Variants in NCOR1 observed in about 807,000 individuals in gnomAD.
The protein encoded by NCOR1 is protein phosphatase 1, regulatory subunit 109.
NCOR1 carries 63 observed loss-of-function variants against 288.1 expected under a neutral mutation model. The ratio of observed to expected loss-of-function variants is 0.22; its 90% CI spans 0.18 to 0.27. The LOEUF (loss-of-function observed/expected upper bound fraction) is 0.27. NCOR1 is among the 10% of genes least tolerant of loss of function. NCOR1 has a pLI of 1.00. For missense variants in NCOR1, 2,397 were observed against 3,019.2 expected, an observed-to-expected ratio of 0.79 and a Z score of 4.83; for synonymous variants, 1,007 against 1,065.9, an observed-to-expected ratio of 0.94 and a Z score of 1.08.
intron 1 of NCOR1, among the ~76,000 whole-genome samples, chr17:16,207,569 A>C (rs1295953879): frequency 6.6e-6 from 1 of 151,932 alleles, no homozygotes; most frequent in Admixed American, 6.6e-5. Flanking sequence ...GTGAAACCCC[A>C]TCTCTACTAA....
chr17:16,107,298 A>G (rs1484862688), intron 19 of NCOR1, among the ~76,000 whole-genome samples: 1 of 152,032 alleles, frequency 6.6e-6, no homozygotes, highest in Non-Finnish European at 1.5e-5. Context: ...ATGTAACTGT[A>G]TTTGAAGACG....
intron 14 of NCOR1, among the ~76,000 whole-genome samples, chr17:16,128,312 T>G (rs2075068741): frequency 6.6e-6 from 1 of 152,194 alleles, no homozygotes; most frequent in Non-Finnish European, 1.5e-5. Context: ...GTCAAAATGC[T>G]ACATCTCCTG....
intron 11 of NCOR1, among the ~76,000 whole-genome samples, chr17:16,141,704 G>A (rs1364862723): frequency 6.6e-6 from 1 of 152,164 alleles, no homozygotes; most frequent in Non-Finnish European, 1.5e-5. Flanking sequence ...AATTTTTCAT[G>A]AGATCAAGCA....
At position 16,189,754 on chromosome 17, in the gene NCOR1, A is replaced by T. The variant is rs559170780; in HGVS notation, c.109-3067T>A. On this transcript the variant is annotated intron_variant, in intron 2 of 45. Coordinates refer to ENST00000268712, the MANE Select transcript of NCOR1 (RefSeq NM_006311.4). ...TCCATACTGGACACATGAAAATATT[A>T]AAAAAACAAGAATAAAGTGAAACTT... Among the ~76,000 whole-genome samples the T allele has an allele frequency of 1.2e-4, 18 of 152,306 alleles. No individual in the cohort carries two copies. In the South Asian group the frequency reaches 2.1e-3, roughly 18 times the overall value.
intron 20 of NCOR1, among the ~76,000 whole-genome samples, chr17:16,100,214 AC>A (rs2067356954): frequency 6.6e-6 from 1 of 152,224 alleles, no homozygotes; most frequent in Admixed American, 6.5e-5. Context: ...AAAAGGAAAC[AC>A]CAGGAAATAA....
At position 16,124,044 on chromosome 17, in the gene NCOR1, C is replaced by G. The variant is rs145253025; in HGVS notation, c.1634+2038G>C. Among the ~76,000 whole-genome samples the G allele has an allele frequency of 2.0e-4, 30 of 152,190 alleles. 1 individual carries two copies. The highest frequency in any genetic ancestry group is 7.0e-4 in the African/African-American group (29 of 41,534). On this transcript the variant is annotated intron_variant, in intron 15 of 45. Transcript: ENST00000268712. ...GTGAGAAGAACCACTGGCTACATGGCCCAAAAAATGTTTAACCCAAACTAA... is the reference window on the plus strand; with the variant it reads ...GTGAGAAGAACCACTGGCTACATGGGCCAAAAAATGTTTAACCCAAACTAA...
At chr17:16,145,854 A>C (rs1437380586) in intron 10 of NCOR1, among the ~76,000 whole-genome samples, 1 of 149,816 alleles carries the variant, frequency 6.7e-6, no homozygotes. Flanking sequence ...TCGACTAGAG[A>C]GGGGGGGAAA....
At chr17:16,211,770 C>T (rs995857242) in intron 1 of NCOR1, among the ~76,000 whole-genome samples, 1 of 151,778 alleles carries the variant, frequency 6.6e-6, no homozygotes, top group Non-Finnish European at 1.5e-5. Context: ...GGTAGAAGAA[C>T]AGTATAAGTG....
intron 12 of NCOR1, 69 bp downstream of exon 12, chr17:16,138,939 G>T: frequency 8.2e-7 from 1 of 1,222,542 alleles, no homozygotes; most frequent in Non-Finnish European, 1.1e-6. Flanking sequence ...CAATTTACAA[G>T]TAAATGCCAA....
chr17:16,058,162 G>T, intron 38 of NCOR1, 98 bp from the exon 39 acceptor site: 2 of 1,337,528 alleles, frequency 1.5e-6, no homozygotes, highest in Non-Finnish European at 1.1e-6. Context: ...CTGAAAGGAT[G>T]TGGTACATAG....
chr17:16,133,789 T>G (rs1259347156), intron 14 of NCOR1, among the ~76,000 whole-genome samples: 1 of 152,220 alleles, frequency 6.6e-6, no homozygotes, highest in African/African-American at 2.4e-5. Context: ...CCTTCAGTCA[T>G]GCCTGTCACA....
intron 27 of NCOR1, among the ~76,000 whole-genome samples, chr17:16,073,930 G>C (rs1043406290): frequency 2.0e-5 from 3 of 152,200 alleles, no homozygotes; most frequent in African/African-American, 4.8e-5. Context: ...TCCAGGTTCA[G>C]ATAAGCCTGC....
At chr17:16,071,725 G>C (rs2061784588) in intron 29 of NCOR1, 60 bp from the exon 30 acceptor site, 4 of 1,474,188 alleles carry the variant, frequency 2.7e-6, no homozygotes, top group Non-Finnish European at 3.7e-6. Context: ...CAATGCCACG[G>C]AACTGTGCAC....
At chr17:16,174,971 G>A (rs1599921491) in intron 3 of NCOR1, among the ~76,000 whole-genome samples, 1 of 151,726 alleles carries the variant, frequency 6.6e-6, no homozygotes, top group Non-Finnish European at 1.5e-5. Context: ...ATTCATAATT[G>A]TCAAAAAGTA....
intron 23 of NCOR1, chr17:16,083,997 C>A (rs958597777): frequency 6.6e-6 from 1 of 151,876 alleles, no homozygotes. Flanking sequence ...GACTGACAAA[C>A]AGATTGTTTC....
At chr17:16,191,590 T>A (rs1031977058) in intron 2 of NCOR1, among the ~76,000 whole-genome samples, 2 of 151,206 alleles carry the variant, frequency 1.3e-5, no homozygotes, top group Non-Finnish European at 3.0e-5. Flanking sequence ...CTAATGGATT[T>A]AAAAAAAATA....
At chr17:16,127,697 A>G (rs920364803) in intron 14 of NCOR1, among the ~76,000 whole-genome samples, 3 of 141,056 alleles carry the variant, frequency 2.1e-5, no homozygotes, top group South Asian at 2.2e-4. Flanking sequence ...ATATACATAT[A>G]TGTATATATG....
rs566503677 is a variant in NCOR1 at position 16,123,863 on chromosome 17, C to T, written c.1634+2219G>A. ...TAATACTTGTACTTTACCTACTTTTCCCCTACTAAATCATGAACTACCTGG... is the reference window on the plus strand; with the variant it reads ...TAATACTTGTACTTTACCTACTTTTTCCCTACTAAATCATGAACTACCTGG... On this transcript the variant is annotated intron_variant, in intron 15 of 45. Transcript: ENST00000268712. 2.0e-5 allele frequency among the ~76,000 whole-genome samples: 3 copies of T among 152,264 alleles called. No homozygotes were observed. The South Asian group carries it at 6.2e-4, about 32-fold the overall frequency.
At chr17:16,115,797 T>C (rs2071451382) in intron 18 of NCOR1, among the ~76,000 whole-genome samples, 1 of 152,200 alleles carries the variant, frequency 6.6e-6, no homozygotes. Flanking sequence ...CATTTCCACA[T>C]TTTCCTGTCT....
Sources: allele counts gnomAD v4.1 joint callset (sites outside exome capture counted in the v4.1 genomes callset), GRCh38; gene constraint gnomAD v4.1.1; transcripts MANE v1.5; gene names NCBI Gene and HGNC (gene_info 2026-07-23, HGNC 2026-07-21).